ZCCHC7: variants seen among roughly 807,000 people sequenced by gnomAD.
The protein encoded by ZCCHC7 is zinc finger CCHC domain-containing protein 7.
A neutral mutation model predicts 52.0 loss-of-function variants in ZCCHC7; 35 were observed. The ratio of observed to expected loss-of-function variants is 0.67; its 90% CI spans 0.51 to 0.89. ZCCHC7 has a LOEUF of 0.89. Among genes scored for constraint, ZCCHC7 ranks in the 40% least tolerant of loss-of-function variants. The pLI is 0.00. For synonymous variants in ZCCHC7, 217 were observed against 221.5 expected, an observed-to-expected ratio of 0.98 and a Z score of 0.18; for missense variants, 574 against 649.1, an observed-to-expected ratio of 0.88 and a Z score of 1.26.
intron 6 of ZCCHC7, among the ~76,000 whole-genome samples, chr9:37,336,378 T>C (rs1196965219): frequency 6.6e-6 from 1 of 152,180 alleles, no homozygotes; most frequent in Non-Finnish European, 1.5e-5. Flanking sequence ...TGGAACATAT[T>C]GTAAAAGCAA....
chr9:37,281,487 A>G (rs1165302365), intron 2 of ZCCHC7, among the ~76,000 whole-genome samples: 4 of 152,242 alleles, frequency 2.6e-5, no homozygotes, highest in African/African-American at 9.6e-5. Context: ...TATAGCATAT[A>G]TGAGTCTCCA....
chr9:37,276,890 A>G (rs954678680), intron 2 of ZCCHC7, among the ~76,000 whole-genome samples: 1 of 152,232 alleles, frequency 6.6e-6, no homozygotes, highest in East Asian at 1.9e-4. Context: ...TTCTACATGC[A>G]TCATATTTTA....
intron 2 of ZCCHC7, among the ~76,000 whole-genome samples, chr9:37,234,790 T>G (rs1299425010): frequency 1.3e-5 from 2 of 152,224 alleles, no homozygotes; most frequent in South Asian, 4.1e-4. Context: ...CCAGGCCTTA[T>G]GTGTTTGTCC....
At chr9:37,156,983 C>G (rs1445729834) in intron 2 of ZCCHC7, among the ~76,000 whole-genome samples, 1 of 151,822 alleles carries the variant, frequency 6.6e-6, no homozygotes, top group African/African-American at 2.4e-5. Flanking sequence ...ACCTGTTGAT[C>G]CTATAAGGTC....
chr9:37,273,872 A>T (rs1426602680), intron 2 of ZCCHC7, among the ~76,000 whole-genome samples: 5 of 152,012 alleles, frequency 3.3e-5, no homozygotes, highest in African/African-American at 9.7e-5. Context: ...TATGTTCCAG[A>T]TATGAACACT....
intron 2 of ZCCHC7, among the ~76,000 whole-genome samples, chr9:37,289,690 T>C (rs1310690258): frequency 6.6e-6 from 1 of 152,240 alleles, no homozygotes; most frequent in African/African-American, 2.4e-5. Context: ...ATCATATTAC[T>C]CTTACGAGTT....
At position 37,151,753 on chromosome 9, in the gene ZCCHC7, C is replaced by T. The variant is rs527282893; in HGVS notation, c.610+24811C>T. Among the ~76,000 whole-genome samples, 9 of 151,924 alleles carry T rather than the reference C, an allele frequency of 5.9e-5. No individual in the cohort carries two copies. The East Asian group carries it at 1.5e-3, about 26-fold the overall frequency. On this transcript the variant is annotated intron_variant, in intron 2 of 8. Coordinates refer to ENST00000336755, the MANE Select transcript of ZCCHC7 (RefSeq NM_032226.3). ...CTGGGAGGCGGAGGTTGCAGTGAGC[C>T]GAGATTGTGCCACTGCACTCCAGCC...
chr9:37,235,559 C>CTCCCT (rs918971149), intron 2 of ZCCHC7, among the ~76,000 whole-genome samples: 123 of 109,870 alleles, frequency 1.1e-3, no homozygotes, highest in Middle Eastern at 4.9e-3. Flanking sequence ...CTCCCCTCCC[C>CTCCCT]TCCCTTCCCT....
chr9:37,322,946 A>G (rs542729625), intron 5 of ZCCHC7, among the ~76,000 whole-genome samples: 2 of 152,262 alleles, frequency 1.3e-5, no homozygotes, highest in East Asian at 3.9e-4. Flanking sequence ...TGATGTTGTC[A>G]TAACAATAGT....
At chr9:37,229,793 T>C (rs1472865645) in intron 2 of ZCCHC7, among the ~76,000 whole-genome samples, 1 of 152,228 alleles carries the variant, frequency 6.6e-6, no homozygotes, top group African/African-American at 2.4e-5. Flanking sequence ...AGTTACAACA[T>C]TTGTATCAAC....
chr9:37,146,548 C>T (rs547430414), intron 2 of ZCCHC7, among the ~76,000 whole-genome samples: 5 of 151,844 alleles, frequency 3.3e-5, no homozygotes, highest in African/African-American at 4.8e-5. Context: ...AAACTAAAAA[C>T]GTGTGGTAGC....
intron 2 of ZCCHC7, among the ~76,000 whole-genome samples, chr9:37,182,358 C>CT (rs397940538): frequency 0.039 from 5,320 of 137,070 alleles, 230 homozygotes; most frequent in African/African-American, 0.1. Context: ...TTCTTTTTTT[C>CT]TTTTTTTTTT....
intron 6 of ZCCHC7, among the ~76,000 whole-genome samples, chr9:37,339,916 G>A (rs1316089096): frequency 6.6e-6 from 1 of 152,170 alleles, no homozygotes; most frequent in Non-Finnish European, 1.5e-5. Flanking sequence ...GCAGCTGAAG[G>A]TCACAGAGGG....
In ZCCHC7 at chr9:37,357,052, T is replaced by C. The variant is rs1461392590; in HGVS notation, c.1416T>C (p.Asp472=). 9.9e-6 allele frequency: 16 copies of C among 1,613,656 alleles called. No homozygotes were observed. Among genetic ancestry groups the C allele is most frequent in the Admixed American group, 1.7e-5 (1 of 59,950 alleles). Residue 472 remains aspartate, a synonymous_variant, in exon 9 of 9, where the codon GAT becomes GAC. Transcript: ENST00000336755. ...KADRHREVDE[D]FPRGPKTYSS... is the part of the protein sequence containing the mutation. ...ACAGACATCGTGAAGTGGATGAGGA[T>C]TTTCCCAGGGGCCCCAAAACCTACT... is the stretch of plus-strand genomic sequence containing the variant.
At chr9:37,244,966 A>G (rs1826022822) in intron 2 of ZCCHC7, among the ~76,000 whole-genome samples, 4 of 151,994 alleles carry the variant, frequency 2.6e-5, no homozygotes, top group African/African-American at 7.2e-5. Flanking sequence ...CTATTTTAAT[A>G]TATCATATGA....
At chr9:37,132,131 A>G (rs932989198) in intron 2 of ZCCHC7, among the ~76,000 whole-genome samples, 15 of 151,760 alleles carry the variant, frequency 9.9e-5, no homozygotes, top group Admixed American at 5.2e-4. Context: ...TGTAATTCTC[A>G]TATATTAGAA....
At chr9:37,316,370 T>C (rs998774198) in intron 5 of ZCCHC7, among the ~76,000 whole-genome samples, 1 of 150,948 alleles carries the variant, frequency 6.6e-6, no homozygotes, top group Non-Finnish European at 1.5e-5. Flanking sequence ...AAGAATCTTA[T>C]TCTTATAAGA....
chr9:37,144,122 T>C (rs1843338887), intron 2 of ZCCHC7, among the ~76,000 whole-genome samples: 1 of 151,882 alleles, frequency 6.6e-6, no homozygotes, highest in African/African-American at 2.4e-5. Context: ...ATGCTAGTGA[T>C]TGGCTTACTT....
At chr9:37,326,703 A>G (rs538354807) in intron 5 of ZCCHC7, among the ~76,000 whole-genome samples, 4 of 152,184 alleles carry the variant, frequency 2.6e-5, no homozygotes, top group Non-Finnish European at 2.9e-5. Context: ...TTCAGATTGT[A>G]TGAATTACCT....
Sources: allele counts gnomAD v4.1 joint callset (sites outside exome capture counted in the v4.1 genomes callset), GRCh38; gene constraint gnomAD v4.1.1; transcripts MANE v1.5; gene names NCBI Gene and HGNC (gene_info 2026-07-23, HGNC 2026-07-21).